CCBE1: variants seen among roughly 807,000 people sequenced by gnomAD.
CCBE1 encodes collagen and calcium binding EGF domains 1, also known as collagen and calcium-binding EGF domain-containing protein 1.
In CCBE1, 37 loss-of-function variants were observed where a neutral mutation model predicts 50.0. The ratio of observed to expected loss-of-function variants is 0.74; its 90% CI spans 0.57 to 0.97. The LOEUF (loss-of-function observed/expected upper bound fraction) is 0.97. Ranked by LOEUF, CCBE1 falls within the 50% of genes least tolerant of loss-of-function variation. The pLI is 0.00. For missense variants in CCBE1, 538 were observed against 523.8 expected (o/e 1.03, Z -0.26); for synonymous variants, 234 against 203.7 (o/e 1.15, Z -1.27).
intron 2 of CCBE1, among the ~76,000 whole-genome samples, chr18:59,645,383 A>G (rs17836343): frequency 0.29 from 43,949 of 152,186 alleles, 6,568 homozygotes; most frequent in East Asian, 0.41. Flanking sequence ...AGAAAATGTC[A>G]CACAAACGGC....
intron 2 of CCBE1, among the ~76,000 whole-genome samples, chr18:59,511,424 G>A (rs1442832890): frequency 2.0e-5 from 3 of 152,324 alleles, no homozygotes; most frequent in Non-Finnish European, 1.5e-5. Flanking sequence ...CATCATCAGT[G>A]AACACCAGCC....
chr18:59,687,758 A>AGACCAGCCT lies in CCBE1; in HGVS notation c.212+8862_212+8870dup, dbSNP rs148819353. ...ATGGGTGGATCACCTGAGGAGCTCA[A>AGACCAGCCT]GACCAGCCTGGCCAACATGGCAAAA... On this transcript the variant is annotated intron_variant, in intron 2 of 10. Transcript: ENST00000439986. Among the ~76,000 whole-genome samples the AGACCAGCCT allele has an allele frequency of 6.4e-3, 968 of 152,336 alleles. 12 individuals carry two copies. Among genetic ancestry groups the AGACCAGCCT allele is most frequent in the African/African-American group, 0.022 (926 of 41,578 alleles).
intron 2 of CCBE1, among the ~76,000 whole-genome samples, chr18:59,619,149 AATG>A (rs918229060): frequency 6.6e-6 from 1 of 152,250 alleles, no homozygotes; most frequent in African/African-American, 2.4e-5. Context: ...TCATATTAAA[AATG>A]ATGCCACCAT....
intron 2 of CCBE1, among the ~76,000 whole-genome samples, chr18:59,639,570 T>C (rs8082932): frequency 0.37 from 55,581 of 152,036 alleles, 10,470 homozygotes; most frequent in East Asian, 0.59. Flanking sequence ...AGCATTCCCC[T>C]TGAAAACTGG....
intron 2 of CCBE1, among the ~76,000 whole-genome samples, chr18:59,607,053 T>C (rs1402567465): frequency 3.4e-5 from 4 of 119,128 alleles, no homozygotes; most frequent in Non-Finnish European, 6.6e-5. Flanking sequence ...GTGTGTTGAA[T>C]TGGGAAAAAA....
At position 59,480,208 on chromosome 18, in the gene CCBE1, A is replaced by G. The variant is rs780076409; in HGVS notation, c.243T>C (p.Val81=). Reference sequence around the variant, plus strand: ...TACCTTCTGGGATGCATTGTCCAAGAACAAATTTATATCCTTTGCAGCACT... The same window carrying G: ...TACCTTCTGGGATGCATTGTCCAAGGACAAATTTATATCCTTTGCAGCACT... ...RKKCCKGYKF[V]LGQCIPEDYD... is the part of the protein sequence containing the mutation. The change falls in exon 3 of 11, where the codon GTT becomes GTC. Residue 81 remains valine, a synonymous_variant. Coordinates refer to ENST00000439986, the MANE Select transcript of CCBE1 (RefSeq NM_133459.4). 1.3e-6 allele frequency: 2 copies of G among 1,598,798 alleles called. No homozygotes were observed. Among genetic ancestry groups the G allele is most frequent in the South Asian group, 2.2e-5 (2 of 90,620 alleles).
At chr18:59,677,616 A>G (rs933612276) in intron 2 of CCBE1, among the ~76,000 whole-genome samples, 8 of 152,112 alleles carry the variant, frequency 5.3e-5, no homozygotes, top group Non-Finnish European at 1.0e-4. Flanking sequence ...CAACACAGAG[A>G]AAGATAAATT....
In CCBE1 at chr18:59,480,232, C is replaced by T; in HGVS notation, c.219G>A (p.Lys73=). 1 of 1,594,260 alleles carries T rather than the reference C, an allele frequency of 6.3e-7. No homozygotes were observed. The highest frequency in any genetic ancestry group is 8.6e-7 in the Non-Finnish European group (1 of 1,162,648). ...GAACAAATTTATATCCTTTGCAGCA[C>T]TTTTTCCTAAGAGACAAACAAACAT... is the stretch of plus-strand genomic sequence containing the variant. ...SGELTTCYRK[K]CCKGYKFVLG... Residue 73 remains lysine, a synonymous_variant, in exon 3 of 11, where the codon AAG becomes AAA. Coordinates refer to ENST00000439986, the MANE Select transcript of CCBE1 (RefSeq NM_133459.4).
intron 2 of CCBE1, among the ~76,000 whole-genome samples, chr18:59,633,704 G>A (rs1279769801): frequency 2.0e-5 from 3 of 151,448 alleles, no homozygotes; most frequent in Non-Finnish European, 4.4e-5. Context: ...TTCAAAGACA[G>A]GCTGCTTCTT....
intron 5 of CCBE1, among the ~76,000 whole-genome samples, chr18:59,461,019 G>A (rs954689309): frequency 3.3e-5 from 5 of 151,948 alleles, no homozygotes; most frequent in Non-Finnish European, 7.4e-5. Flanking sequence ...CACAGGGCTT[G>A]TATCACTTAT....
At chr18:59,651,521 G>A (rs898788180) in intron 2 of CCBE1, among the ~76,000 whole-genome samples, 6 of 152,194 alleles carry the variant, frequency 3.9e-5, no homozygotes, top group African/African-American at 1.4e-4. Flanking sequence ...AGATTTTTCT[G>A]CACTATTAGT....
chr18:59,439,669 A>G lies in CCBE1; in HGVS notation c.915+8T>C. 1 of 1,614,224 alleles carries G rather than the reference A, an allele frequency of 6.2e-7. No individual in the cohort carries two copies. Among genetic ancestry groups the G allele is most frequent in the Non-Finnish European group, 8.5e-7 (1 of 1,180,036 alleles). On this transcript the variant is annotated splice_region_variant and intron_variant, in intron 8 of 10. Transcript: ENST00000439986. ...AAAAAGGAAGTGGATCTCTGATAAG[A>G]TACTGACCACAGGGCCCCTCCGGCC...
intron 2 of CCBE1, among the ~76,000 whole-genome samples, chr18:59,610,501 C>T (rs1314316624): frequency 3.3e-5 from 5 of 151,692 alleles, no homozygotes; most frequent in Admixed American, 6.6e-5. Flanking sequence ...AAATCTTATC[C>T]TCAAGCAGTA....
chr18:59,585,166 A>G (rs1194855569), intron 2 of CCBE1, among the ~76,000 whole-genome samples: 2 of 151,914 alleles, frequency 1.3e-5, no homozygotes, highest in African/African-American at 4.8e-5. Context: ...TCAATATGGA[A>G]TAGCCCTGGC....
intron 2 of CCBE1, among the ~76,000 whole-genome samples, chr18:59,543,775 C>G (rs957114447): frequency 1.5e-5 from 2 of 134,698 alleles, no homozygotes; most frequent in Non-Finnish European, 3.1e-5. Context: ...GTGGAGCTTG[C>G]AGTGAGCCAA....
intron 2 of CCBE1, among the ~76,000 whole-genome samples, chr18:59,637,070 A>G (rs760789315): frequency 3.9e-5 from 6 of 152,208 alleles, no homozygotes; most frequent in Non-Finnish European, 8.8e-5. Flanking sequence ...AGTTCTCCCA[A>G]TGCATTACCT....
chr18:59,548,066 G>A (rs1915775435), intron 2 of CCBE1, among the ~76,000 whole-genome samples: 2 of 152,226 alleles, frequency 1.3e-5, no homozygotes, highest in African/African-American at 4.8e-5. Flanking sequence ...GCCATCACGT[G>A]ATGTGAACTA....
At chr18:59,629,266 A>G (rs773784035) in intron 2 of CCBE1, among the ~76,000 whole-genome samples, 1 of 152,170 alleles carries the variant, frequency 6.6e-6, no homozygotes, top group Non-Finnish European at 1.5e-5. Flanking sequence ...TCCCCCAGGT[A>G]TCATGTAACT....
At chr18:59,494,817 G>T in intron 2 of CCBE1, among the ~76,000 whole-genome samples, 1 of 152,264 alleles carries the variant, frequency 6.6e-6, no homozygotes, top group South Asian at 2.1e-4. Context: ...GAGCTCTAGC[G>T]ACGACCTGCA....
Sources: allele counts gnomAD v4.1 joint callset (sites outside exome capture counted in the v4.1 genomes callset), GRCh38; gene constraint gnomAD v4.1.1; transcripts MANE v1.5; gene names NCBI Gene and HGNC (gene_info 2026-07-23, HGNC 2026-07-21).